Variants in ANKS1B observed in about 807,000 individuals in gnomAD.
ANKS1B encodes the protein ankyrin repeat and sterile alpha motif domain-containing protein 1B.
A neutral mutation model predicts 148.3 loss-of-function variants in ANKS1B; 36 were observed. That is an observed-to-expected ratio of 0.24 (90% CI 0.19 to 0.32). The LOEUF (loss-of-function observed/expected upper bound fraction) is 0.32. Ranked by LOEUF, ANKS1B falls within the 10% of genes least tolerant of loss-of-function variation. The pLI, the probability that ANKS1B is intolerant of heterozygous loss-of-function variation, is 1.00. For synonymous variants in ANKS1B, 542 were observed against 560.8 expected, an observed-to-expected ratio of 0.97 and a Z score of 0.47; for missense variants, 1,157 against 1,542.6, an observed-to-expected ratio of 0.75 and a Z score of 4.19.
In ANKS1B at chr12:98,982,056, A is replaced by C. The variant is rs147338476; in HGVS notation, c.2778+71101T>G. ...AGAAAAGTCTACAGGGGTAATTATA[A>C]GAAAAAGAAATTGGGTATTTCAAAG... On this transcript the variant is annotated intron_variant, in intron 17 of 26. Transcript: ENST00000683438. Among the ~76,000 whole-genome samples the C allele has an allele frequency of 6.1e-3, 927 of 152,370 alleles. 6 individuals carry two copies. The highest frequency in any genetic ancestry group is 0.014 in the Middle Eastern group (4 of 294).
chr12:99,954,804 C>T (rs2095289907), intron 1 of ANKS1B, among the ~76,000 whole-genome samples: 1 of 151,970 alleles, frequency 6.6e-6, no homozygotes, highest in African/African-American at 2.4e-5. Flanking sequence ...CACCCCGTCC[C>T]CAACAAAAAA....
intron 12 of ANKS1B, among the ~76,000 whole-genome samples, chr12:99,377,023 T>G (rs1014073018): frequency 1.3e-5 from 2 of 152,012 alleles, no homozygotes; most frequent in Non-Finnish European, 2.9e-5. Context: ...TCTTTTTTTT[T>G]TTTGAGATGG....
At chr12:99,415,569 G>A (rs1410292642) in intron 11 of ANKS1B, among the ~76,000 whole-genome samples, 1 of 152,082 alleles carries the variant, frequency 6.6e-6, no homozygotes, top group Non-Finnish European at 1.5e-5. Context: ...AAATCATAGA[G>A]TGCACTCATG....
chr12:99,756,595 C>T (rs1307042180), intron 8 of ANKS1B, among the ~76,000 whole-genome samples: 3 of 151,836 alleles, frequency 2.0e-5, no homozygotes, highest in African/African-American at 7.3e-5. Context: ...GAATATGGAA[C>T]CAAAAAAGAA....
intron 14 of ANKS1B, among the ~76,000 whole-genome samples, chr12:99,162,327 T>A (rs2076735838): frequency 6.6e-6 from 1 of 152,098 alleles, no homozygotes; most frequent in Non-Finnish European, 1.5e-5. Context: ...ATTATATATA[T>A]GTATTTATAT....
At chr12:99,598,931 C>T (rs374577958) in intron 9 of ANKS1B, among the ~76,000 whole-genome samples, 1 of 151,970 alleles carries the variant, frequency 6.6e-6, no homozygotes, top group East Asian at 1.9e-4. Flanking sequence ...TTGGGTGGGC[C>T]ACGCTCCCTC....
chr12:99,883,253 T>G (rs894876333), intron 1 of ANKS1B, among the ~76,000 whole-genome samples: 1 of 152,182 alleles, frequency 6.6e-6, no homozygotes, highest in South Asian at 2.1e-4. Flanking sequence ...AATGGGTTTT[T>G]GACGAAGGTA....
At chr12:98,941,633 G>C (rs369531422) in intron 17 of ANKS1B, among the ~76,000 whole-genome samples, 4 of 152,178 alleles carry the variant, frequency 2.6e-5, no homozygotes, top group African/African-American at 9.6e-5. Flanking sequence ...AAGATTGACT[G>C]TATGTCCTTA....
At chr12:99,372,743 A>G (rs747759253) in intron 12 of ANKS1B, among the ~76,000 whole-genome samples, 1 of 152,138 alleles carries the variant, frequency 6.6e-6, no homozygotes, top group East Asian at 1.9e-4. Flanking sequence ...TGTTACTGCA[A>G]AAGTACACTG....
intron 17 of ANKS1B, among the ~76,000 whole-genome samples, chr12:99,048,294 C>T (rs2099963750): frequency 6.6e-6 from 1 of 152,162 alleles, no homozygotes; most frequent in African/African-American, 2.4e-5. Context: ...CCTTTCTGCA[C>T]AGAGATAGAT....
At chr12:99,571,456 A>C (rs919989703) in intron 9 of ANKS1B, among the ~76,000 whole-genome samples, 1 of 152,098 alleles carries the variant, frequency 6.6e-6, no homozygotes, top group Non-Finnish European at 1.5e-5. Flanking sequence ...TATCTGATTC[A>C]GGTATTCAGT....
chr12:98,880,338 A>G (rs2152498413), intron 17 of ANKS1B, among the ~76,000 whole-genome samples: 1 of 152,378 alleles, frequency 6.6e-6, no homozygotes, highest in East Asian at 1.9e-4. Flanking sequence ...ATAACAAGTG[A>G]CTAAAATAAG....
At chr12:98,965,382 T>C (rs897520606) in intron 17 of ANKS1B, among the ~76,000 whole-genome samples, 2 of 152,222 alleles carry the variant, frequency 1.3e-5, no homozygotes, top group Non-Finnish European at 2.9e-5. Flanking sequence ...TCCAATATCA[T>C]GCCTAGCTCA....
chr12:98,931,859 C>G (rs1318373087), intron 17 of ANKS1B: 1 of 152,104 alleles, frequency 6.6e-6, no homozygotes, highest in Non-Finnish European at 1.5e-5. Flanking sequence ...CCTAAGGAGG[C>G]ACTTTTTCCT....
At chr12:98,895,002 C>A in intron 17 of ANKS1B, 7 of 812,920 alleles carry the variant, frequency 8.6e-6, no homozygotes, top group Non-Finnish European at 1.0e-5. Context: ...GCGGCGGCGG[C>A]GGCGGCGCGT....
chr12:99,675,088 T>G (rs1184928234), intron 8 of ANKS1B, among the ~76,000 whole-genome samples: 1 of 151,968 alleles, frequency 6.6e-6, no homozygotes, highest in African/African-American at 2.4e-5. Context: ...CTGGCATGTT[T>G]TCAAACCATA....
rs1334196259 is a variant in ANKS1B, at chr12:99,406,536, A to G, written c.1576-6725T>C. 1.4e-5 allele frequency among the ~76,000 whole-genome samples: 2 copies of G among 145,436 alleles called. 1 individual carries two copies. The highest frequency in any genetic ancestry group is 3.0e-5 in the Non-Finnish European group (2 of 65,860). On this transcript the variant is annotated intron_variant, in intron 11 of 26. Transcript: ENST00000683438. ...GGGCTACAGCAAAAGCAGAACTAAC[A>G]GGAAAATTTATAGCTATAAGCACCT...
At chr12:99,453,374 T>C (rs2095790976) in intron 10 of ANKS1B, among the ~76,000 whole-genome samples, 1 of 152,098 alleles carries the variant, frequency 6.6e-6, no homozygotes, top group Admixed American at 6.6e-5. Context: ...GTGGCTTCCG[T>C]CTTGTGTGTG....
At chr12:99,867,938 A>G (rs1323844207) in intron 1 of ANKS1B, among the ~76,000 whole-genome samples, 1 of 152,150 alleles carries the variant, frequency 6.6e-6, no homozygotes, top group African/African-American at 2.4e-5. Context: ...AGCAAATCAA[A>G]TCCTGCGATA....
Sources: allele counts gnomAD v4.1 joint callset (sites outside exome capture counted in the v4.1 genomes callset), GRCh38; gene constraint gnomAD v4.1.1; transcripts MANE v1.5; gene names NCBI Gene and HGNC (gene_info 2026-07-23, HGNC 2026-07-21).